CNOT4: variants seen among roughly 807,000 people sequenced by gnomAD.
CNOT4 encodes the protein CCR4-associated factor 4.
CNOT4 carries 8 observed loss-of-function variants against 73.8 expected under a neutral mutation model. The ratio of observed to expected loss-of-function variants is 0.11; its 90% confidence interval spans 0.06 to 0.20. The LOEUF is 0.20. Ranked by LOEUF, CNOT4 falls within the 10% of genes least tolerant of loss-of-function variation. The pLI is 1.00. For missense variants in CNOT4, 564 were observed against 883.4 expected (o/e 0.64, Z 4.58); for synonymous variants, 293 against 321.1 (o/e 0.91, Z 0.94).
chr7:135,466,923 C>T (rs987059345), intron 1 of CNOT4, among the ~76,000 whole-genome samples: 2 of 152,160 alleles, frequency 1.3e-5, no homozygotes, highest in Non-Finnish European at 2.9e-5. Flanking sequence ...AAGTACACTC[C>T]ATGACATTCA....
intron 1 of CNOT4, among the ~76,000 whole-genome samples, chr7:135,482,142 G>T (rs1163977396): frequency 6.6e-6 from 1 of 152,152 alleles, no homozygotes; most frequent in Non-Finnish European, 1.5e-5. Context: ...TACCTCAAAT[G>T]CCCTGACTTG....
At chr7:135,396,801 C>T (rs979533047) in intron 8 of CNOT4, among the ~76,000 whole-genome samples, 1 of 152,026 alleles carries the variant, frequency 6.6e-6, no homozygotes, top group African/African-American at 2.4e-5. Context: ...ATAAAAAACA[C>T]GACTAGATTG....
At chr7:135,403,529 A>G (rs1453645754) in intron 7 of CNOT4, among the ~76,000 whole-genome samples, 1 of 152,204 alleles carries the variant, frequency 6.6e-6, no homozygotes, top group African/African-American at 2.4e-5. Flanking sequence ...TGAGGCAGGA[A>G]GATCACTTGA....
chr7:135,376,684 T>C (rs116189858), intron 10 of CNOT4, among the ~76,000 whole-genome samples: 2,224 of 152,334 alleles, frequency 0.015, 56 homozygotes, highest in African/African-American at 0.051. Flanking sequence ...TTACTGCATT[T>C]GATTACACAG....
At chr7:135,380,081 T>G (rs1795754225) in intron 10 of CNOT4, among the ~76,000 whole-genome samples, 1 of 151,856 alleles carries the variant, frequency 6.6e-6, no homozygotes. Flanking sequence ...TGTGGAGCTC[T>G]CCCTGTTTCC....
chr7:135,379,227 G>A (rs1236578088), intron 10 of CNOT4, among the ~76,000 whole-genome samples: 2 of 152,140 alleles, frequency 1.3e-5, no homozygotes, highest in East Asian at 1.9e-4. Flanking sequence ...ACCTGAAAGC[G>A]TGTTATAAAA....
intron 1 of CNOT4, among the ~76,000 whole-genome samples, chr7:135,446,394 G>GAAA (rs1430165367): frequency 1.3e-5 from 2 of 152,054 alleles, no homozygotes; most frequent in African/African-American, 2.4e-5. Context: ...CTGTACATTT[G>GAAA]AAAATGGTTA....
chr7:135,487,232 G>A (rs1258011936), intron 1 of CNOT4, among the ~76,000 whole-genome samples: 1 of 149,720 alleles, frequency 6.7e-6, no homozygotes, highest in African/African-American at 2.5e-5. Context: ...GCTTTTATAT[G>A]ATTTTCTTTT....
At chr7:135,484,219 A>T (rs1802573275) in intron 1 of CNOT4, among the ~76,000 whole-genome samples, 1 of 152,032 alleles carries the variant, frequency 6.6e-6, no homozygotes, top group Non-Finnish European at 1.5e-5. Context: ...AATTTAATTT[A>T]AAAAAGAAAA....
At chr7:135,455,939 T>C (rs1800502408) in intron 1 of CNOT4, among the ~76,000 whole-genome samples, 1 of 152,224 alleles carries the variant, frequency 6.6e-6, no homozygotes, top group South Asian at 2.1e-4. Context: ...TTTTGTTTAC[T>C]TAATTGTGGG....
chr7:135,408,685 A>G (rs1797433857), intron 7 of CNOT4, among the ~76,000 whole-genome samples: 1 of 152,106 alleles, frequency 6.6e-6, no homozygotes. Flanking sequence ...GGACATGTCA[A>G]TTCACTTAAC....
At chr7:135,386,389 T>C (rs1796121104) in intron 10 of CNOT4, 1 of 152,142 alleles carries the variant, frequency 6.6e-6, no homozygotes, top group African/African-American at 2.4e-5. Flanking sequence ...TTGCACATGA[T>C]GCATCATGCA....
intron 10 of CNOT4, among the ~76,000 whole-genome samples, chr7:135,374,748 T>A (rs1403770603): frequency 6.6e-6 from 1 of 152,212 alleles, no homozygotes; most frequent in Admixed American, 6.5e-5. Flanking sequence ...GATGGGGATA[T>A]ACAAACAGGA....
At chr7:135,498,044 G>C (rs558595908) in intron 1 of CNOT4, among the ~76,000 whole-genome samples, 2 of 151,980 alleles carry the variant, frequency 1.3e-5, no homozygotes, top group South Asian at 4.1e-4. Flanking sequence ...AACAATCCTG[G>C]TATCTCCATT....
intron 10 of CNOT4, among the ~76,000 whole-genome samples, chr7:135,380,820 GTTA>G (rs1171241938): frequency 1.3e-5 from 2 of 152,098 alleles, no homozygotes; most frequent in Admixed American, 1.3e-4. Flanking sequence ...TATCATCATT[GTTA>G]TTATTCGGTC....
chr7:135,391,142 A>G (rs894567594), intron 10 of CNOT4, among the ~76,000 whole-genome samples: 3 of 152,156 alleles, frequency 2.0e-5, no homozygotes, highest in Admixed American at 1.3e-4. Context: ...TAAGATGTAT[A>G]TATAGTTTTC....
intron 10 of CNOT4, among the ~76,000 whole-genome samples, chr7:135,382,184 C>T (rs1287935661): frequency 1.3e-5 from 2 of 152,132 alleles, no homozygotes; most frequent in Admixed American, 6.5e-5. Flanking sequence ...AACTCGATTT[C>T]TCTATAACTC....
chr7:135,462,812 A>G (rs1005780057), intron 1 of CNOT4, among the ~76,000 whole-genome samples: 1 of 152,254 alleles, frequency 6.6e-6, no homozygotes, highest in African/African-American at 2.4e-5. Context: ...AAGAGGTTGT[A>G]TTAGATAAAC....
chr7:135,485,011 A>G (rs1802625385), intron 1 of CNOT4, among the ~76,000 whole-genome samples: 1 of 152,196 alleles, frequency 6.6e-6, no homozygotes, highest in South Asian at 2.1e-4. Flanking sequence ...TAAAGATATC[A>G]ATACTCCCCA....
Sources: gnomAD v4.1 joint callset for allele counts (sites outside exome capture counted in the v4.1 genomes callset) on GRCh38, gnomAD v4.1.1 for gene constraint, MANE v1.5 for transcripts, NCBI Gene and HGNC (gene_info 2026-07-23, HGNC 2026-07-21) for gene names.